The following DCHS2 variants were observed in gnomAD, a reference collection of about 807,000 sequenced individuals.
DCHS2 encodes protocadherin-23.
In DCHS2, 142 loss-of-function variants were observed where a neutral mutation model predicts 182.4. That is an observed-to-expected ratio of 0.78 (90% CI 0.68 to 0.89). The LOEUF (loss-of-function observed/expected upper bound fraction) is 0.89, where lower values mean the gene tolerates loss of function less well. Among genes scored for constraint, DCHS2 ranks in the 40% least tolerant of loss-of-function variants. The pLI is 0.00. For synonymous variants in DCHS2, 1,740 were observed against 1,663.3 expected (o/e 1.05, Z -1.12); for missense variants, 4,319 against 4,198.6 (o/e 1.03, Z -0.79).
At position 154,299,035 on chromosome 4, in the gene DCHS2, T is replaced by G. The variant is rs143960707; in HGVS notation, c.5606-327A>C. Among the ~76,000 whole-genome samples the G allele has an allele frequency of 2.0e-4, 30 of 152,282 alleles. No homozygotes were observed. The East Asian group carries it at 5.8e-3, about 29-fold the overall frequency. On this transcript the variant is annotated intron_variant, in intron 12 of 19. Transcript: ENST00000357232. ...ACAACTTTTAATTTTAATATATTTT[T>G]CCTCATAAGAGGATGAAGATATATG...
intron 1 of DCHS2, among the ~76,000 whole-genome samples, chr4:154,378,841 A>G (rs1731044917): frequency 6.6e-6 from 1 of 152,090 alleles, no homozygotes; most frequent in African/African-American, 2.4e-5. Context: ...TTACAGAAAA[A>G]TCAGACCCCA....
intron 1 of DCHS2, among the ~76,000 whole-genome samples, chr4:154,460,990 A>G (rs1213378425): frequency 6.6e-6 from 1 of 152,168 alleles, no homozygotes; most frequent in Non-Finnish European, 1.5e-5. Flanking sequence ...CAGACCAAGA[A>G]AAGCTCAAAT....
intron 1 of DCHS2, among the ~76,000 whole-genome samples, chr4:154,414,894 G>A (rs1027993777): frequency 1.3e-5 from 2 of 152,168 alleles, no homozygotes; most frequent in Admixed American, 6.5e-5. Context: ...AACCTGTGTT[G>A]GCAGTCATGC....
intron 7 of DCHS2, among the ~76,000 whole-genome samples, chr4:154,323,559 A>G (rs912083476): frequency 3.3e-5 from 5 of 152,158 alleles, no homozygotes; most frequent in African/African-American, 7.2e-5. Flanking sequence ...AGTTTTGTGA[A>G]GTATAATGCA....
intron 2 of DCHS2, among the ~76,000 whole-genome samples, chr4:154,375,430 A>G (rs954443681): frequency 6.6e-6 from 1 of 152,110 alleles, no homozygotes; most frequent in African/African-American, 2.4e-5. Context: ...AATATATCGA[A>G]AAAAGGACTT....
chr4:154,406,364 C>G (rs912680653), intron 1 of DCHS2, among the ~76,000 whole-genome samples: 2 of 152,212 alleles, frequency 1.3e-5, no homozygotes, highest in Admixed American at 6.5e-5. Flanking sequence ...GAAAGGCGCC[C>G]TGAATCAAAG....
rs1181943938 is a variant in DCHS2 at position 154,320,815 on chromosome 4, C to G, written c.4584G>C (p.Leu1528=). The G allele has an allele frequency of 4.3e-6, 7 of 1,614,014 alleles. No homozygotes were observed. In the South Asian group the frequency reaches 6.6e-5, roughly 15 times the overall value. ...CATCTTTGGCATTGAAGACATACAC[C>G]AGGGTTCCTATGGGAACATTCTCCT... ...SVEENVPIGT[L]VYVFNAKDDD... Residue 1528 remains leucine, a synonymous_variant, in exon 9 of 20, where the codon CTG becomes CTC. Transcript: ENST00000357232.
intron 12 of DCHS2, among the ~76,000 whole-genome samples, chr4:154,300,800 G>C (rs531489675): frequency 6.6e-6 from 1 of 152,236 alleles, no homozygotes; most frequent in East Asian, 1.9e-4. Flanking sequence ...CAATATTTGC[G>C]TGCAGGAAGT....
At chr4:154,317,580 T>G (rs1214345751) in intron 9 of DCHS2, among the ~76,000 whole-genome samples, 3 of 152,190 alleles carry the variant, frequency 2.0e-5, no homozygotes, top group Non-Finnish European at 4.4e-5. Context: ...TTGGGCCAAA[T>G]GGTGTATATC....
In DCHS2 at chr4:154,235,527, A is replaced by C; in HGVS notation, c.9125T>G (p.Val3042Gly). 1 of 1,613,914 alleles carries C rather than the reference A, an allele frequency of 6.2e-7. No homozygotes were observed. The highest frequency in any genetic ancestry group is 8.5e-7 in the Non-Finnish European group (1 of 1,179,924). The change falls in exon 20 of 20, where the codon GTG (valine) becomes GGG (glycine). Residue 3042 changes from valine (V) to glycine (G), a missense_variant. Transcript: ENST00000357232. Reference protein sequence around the residue: ...KTSSLDADLRVTRDASVLKAF... With the variant: ...KTSSLDADLRGTRDASVLKAF... ...TTTGAGCACACTGGCATCCCGGGTC[A>C]CTCTCAAGTCCGCATCTAAAGATGA...
chr4:154,449,702 C>T (rs1379589994), intron 1 of DCHS2, among the ~76,000 whole-genome samples: 1 of 152,102 alleles, frequency 6.6e-6, no homozygotes, highest in Non-Finnish European at 1.5e-5. Context: ...AATTTTAATT[C>T]ACAAGTAAAA....
chr4:154,321,918 T>C (rs1485052257), intron 8 of DCHS2, among the ~76,000 whole-genome samples: 1 of 152,106 alleles, frequency 6.6e-6, no homozygotes, highest in Non-Finnish European at 1.5e-5. Context: ...GAATCTGGAG[T>C]TACTTTTCTA....
rs1438343268 is a variant in DCHS2, at chr4:154,234,534, T to C, written c.*2A>G. ...GAGCAGGTACTTGGCATCCCAGTGG[T>C]TTCATATTTGAACTTCATCTTCTGC... On this transcript the variant is annotated 3_prime_UTR_variant, in exon 20 of 20. Transcript: ENST00000357232. 6.2e-7 allele frequency: 1 copy of C among 1,600,216 alleles called. No homozygotes were observed. The highest frequency in any genetic ancestry group is 8.5e-7 in the Non-Finnish European group (1 of 1,171,816).
chr4:154,341,996 T>C (rs1578986844), intron 3 of DCHS2, among the ~76,000 whole-genome samples: 1 of 152,140 alleles, frequency 6.6e-6, no homozygotes, highest in Non-Finnish European at 1.5e-5. Flanking sequence ...GTAAATTCAC[T>C]TGTCTTTGAA....
At chr4:154,423,344 G>A (rs1396034501) in intron 1 of DCHS2, among the ~76,000 whole-genome samples, 4 of 152,162 alleles carry the variant, frequency 2.6e-5, no homozygotes, top group Non-Finnish European at 5.9e-5. Flanking sequence ...AGAACATAAT[G>A]TTTTCAATGT....
chr4:154,352,221 G>A (rs933659040), intron 3 of DCHS2, among the ~76,000 whole-genome samples: 1 of 152,082 alleles, frequency 6.6e-6, no homozygotes, highest in African/African-American at 2.4e-5. Context: ...CCCCGCTAGT[G>A]CCATCACCCC....
At chr4:154,253,634 A>ATAAG (rs1319692473) in intron 16 of DCHS2, among the ~76,000 whole-genome samples, 2 of 152,366 alleles carry the variant, frequency 1.3e-5, no homozygotes, top group East Asian at 3.9e-4. Context: ...TATCTAAACA[A>ATAAG]TAAGTACCAA....
At chr4:154,378,520 A>AAAGAAGGAAG in intron 1 of DCHS2, among the ~76,000 whole-genome samples, 1 of 64,016 alleles carries the variant, frequency 1.6e-5, no homozygotes, top group Non-Finnish European at 3.7e-5. Flanking sequence ...AAGGAAGGAA[A>AAAGAAGGAAG]GAAGGAAGGA....
At chr4:154,239,069 G>A in intron 19 of DCHS2, 101 bp downstream of exon 19, 1 of 1,442,682 alleles carries the variant, frequency 6.9e-7, no homozygotes, top group Non-Finnish European at 9.2e-7. Flanking sequence ...TGCGGGGTGG[G>A]GAGGTGGGGA....
Sources: allele counts gnomAD v4.1 joint callset (sites outside exome capture counted in the v4.1 genomes callset), GRCh38; gene constraint gnomAD v4.1.1; transcripts MANE v1.5; gene names NCBI Gene and HGNC (gene_info 2026-07-23, HGNC 2026-07-21).